The following NUAK2 variants were observed in gnomAD, a reference collection of about 807,000 sequenced individuals.
NUAK2 encodes NUAK family kinase 2, also known as NUAK family SNF1-like kinase 2.
NUAK2 carries 20 observed loss-of-function variants against 29.8 expected under a neutral mutation model. The ratio of observed to expected loss-of-function variants is 0.67; its 90% confidence interval spans 0.47 to 0.98. The LOEUF is 0.98. Among genes scored for constraint, NUAK2 ranks in the 50% least tolerant of loss-of-function variants. The probability of loss-of-function intolerance (pLI) is 0.00; values close to 1 mark genes in which losing one functional copy is unlikely to be tolerated. For missense variants in NUAK2, 719 were observed against 834.5 expected (o/e 0.86, Z 1.71); for synonymous variants, 331 against 342.6 (o/e 0.97, Z 0.37).
At position 205,308,471 on chromosome 1, in the gene NUAK2, T is replaced by A; in HGVS notation, c.504+110A>T. 8.0e-7 allele frequency: 1 copy of A among 1,245,808 alleles called. No homozygotes were observed. Among genetic ancestry groups the A allele is most frequent in the Non-Finnish European group, 1.1e-6 (1 of 877,424 alleles). The allele number at this position is 1,245,808 out of a possible 1,614,324, so 77.2% of individuals were successfully genotyped here. On this transcript the variant is annotated intron_variant, in intron 3 of 6. Coordinates refer to ENST00000367157, the MANE Select transcript of NUAK2 (RefSeq NM_030952.3). This position sits in a 1 kb window ranked among gnomAD's most constrained non-coding sequence, Gnocchi z 4.1. The stretch of plus-strand genomic sequence containing the variant: ...TGAGAGTCCAGAATCTAGTTTTGCC[T>A]CTGTTTCTGTGTGATCCTGGACAAG...
intron 1 of NUAK2, among the ~76,000 whole-genome samples, chr1:205,313,518 GC>G (rs1662283174): frequency 6.6e-6 from 1 of 152,206 alleles, no homozygotes; most frequent in South Asian, 2.1e-4. Flanking sequence ...GTCCCTCTCT[GC>G]TCCACCCTCC....
chr1:205,320,740 C>T (rs897202925), intron 1 of NUAK2, among the ~76,000 whole-genome samples: 2 of 152,178 alleles, frequency 1.3e-5, no homozygotes, highest in African/African-American at 4.8e-5. Flanking sequence ...CTCCTACGCT[C>T]GCACCAAAGT....
Position 205,308,360 on chromosome 1 carries a change from T to A in NUAK2, c.505-130A>T. 1.2e-6 allele frequency: 1 copy of A among 802,290 alleles called. No homozygotes were observed. The highest frequency in any genetic ancestry group is 2.0e-6 in the Non-Finnish European group (1 of 497,786). 49.7% of individuals were successfully genotyped at this position (802,290 alleles called of 1,614,324 possible). A position where few individuals can be genotyped will look rare whatever the true frequency, so the allele number is the denominator to read the frequency against. ...TGAGCACAGGTAGGCTGGGAATGCC[T>A]ATCTTTATCGGTATGTGCTGCAAGA... On this transcript the variant is annotated intron_variant, in intron 3 of 6. Coordinates refer to ENST00000367157, the MANE Select transcript of NUAK2 (RefSeq NM_030952.3). This position sits in a 1 kb window ranked among gnomAD's most constrained non-coding sequence, Gnocchi z 4.1.
At chr1:205,305,126 G>A (rs1333612526) in intron 6 of NUAK2, 73 bp downstream of exon 6, 4 of 1,558,422 alleles carry the variant, frequency 2.6e-6, no homozygotes, top group Non-Finnish European at 1.7e-6. Context: ...TAGTGCCACT[G>A]TGTAGTTTCT....
rs767244934 is a variant in NUAK2 at position 205,304,145 on chromosome 1, G to C, written c.1192C>G (p.Arg398Gly). 2 of 1,614,076 alleles carry C rather than the reference G, an allele frequency of 1.2e-6. No individual in the cohort carries two copies. Among genetic ancestry groups the C allele is most frequent in the Admixed American group, 3.3e-5 (2 of 60,008 alleles). Reference protein sequence around the residue: ...HSDTADDTAHRPGKSNLKLPK... With the variant: ...HSDTADDTAHGPGKSNLKLPK... ...AGCTTGAGGTTGCTCTTGCCAGGGC[G>C]ATGGGCAGTGTCATCAGCCGTGTCA... Residue 398 changes from arginine (R) to glycine (G), a missense_variant, in exon 7 of 7, where the codon CGC becomes GGC. By Grantham distance (125) the Arg-to-Gly change is moderately radical. Coordinates refer to ENST00000367157, the MANE Select transcript of NUAK2 (RefSeq NM_030952.3). The surrounding 1 kb of genome is among the most constrained non-coding windows in gnomAD (Gnocchi z 6.5).
At position 205,311,736 on chromosome 1, in the gene NUAK2, G is replaced by T; in HGVS notation, c.321C>A (p.Leu107=). ...GGATGGCAATGATGTGAGGGTGGTT[G>T]AGTGATGACATGATCTCAATCTCCC... is the stretch of plus-strand genomic sequence containing the variant. The part of the protein sequence containing the change: ...IRREIEIMSS[L]NHPHIIAIHE... Residue 107 remains leucine, a synonymous_variant, in exon 2 of 7, where the codon CTC becomes CTA. Coordinates refer to ENST00000367157, the MANE Select transcript of NUAK2 (RefSeq NM_030952.3). 6.2e-7 allele frequency: 1 copy of T among 1,614,200 alleles called. No individual in the cohort carries two copies. The highest frequency in any genetic ancestry group is 1.1e-5 in the South Asian group (1 of 91,076).
rs1662115513 is a variant in NUAK2 at position 205,303,454 on chromosome 1, G to C, written c.1883C>G (p.Thr628Ser). The change falls in exon 7 of 7, where the codon ACC (threonine) becomes AGC (serine). Residue 628 changes from threonine to serine, a missense_variant. Coordinates refer to ENST00000367157, the MANE Select transcript of NUAK2 (RefSeq NM_030952.3). ...CTGGGGCAATGCCTACTCCACTCAG[G>C]TGAGCTTTGAGCAGACCCTCAGTGC... The part of the protein sequence containing the change: ...RQALRVCSKL[T>S] The C allele has an allele frequency of 6.4e-7, 1 of 1,573,330 alleles. No homozygotes were observed. The highest frequency in any genetic ancestry group is 8.6e-7 in the Non-Finnish European group (1 of 1,159,420).
rs191805468 is a variant in NUAK2, at chr1:205,305,199, C to T, written c.823G>A (p.Asp275Asn). 6.2e-7 allele frequency: 1 copy of T among 1,613,778 alleles called. No individual in the cohort carries two copies. The highest frequency in any genetic ancestry group is 2.2e-5 in the East Asian group (1 of 44,878). The stretch of plus-strand genomic sequence containing the variant: ...AAGAACGCCCACACCTCTTACTCAC[C>T]AGAGGGTTTAGGTGGCTCCCGGTAG... ...GAYREPPKPS[D>N]ACGLIRWLLM... is the part of the protein sequence containing the mutation. The change falls in exon 6 of 7, where the codon GAT becomes AAT. Residue 275 changes from aspartate (D) to asparagine (N), a missense_variant and splice_region_variant. Asp to Asn is a conservative substitution (Grantham distance 23). Coordinates refer to ENST00000367157, the MANE Select transcript of NUAK2 (RefSeq NM_030952.3).
chr1:205,305,247 C>T lies in NUAK2; in HGVS notation c.775G>A (p.Val259Met). The change falls in exon 6 of 7, where the codon GTG (valine) becomes ATG (methionine). Residue 259 changes from valine (V) to methionine (M), a missense_variant. Transcript: ENST00000367157. ...TAGGCCCCGTTGCTGATCTGTTTCA[C>T]TAGGATCTTATGGTCATGCCCATCA... ...PFDGHDHKIL[V>M]KQISNGAYRE... is the part of the protein sequence containing the mutation. 1.2e-6 allele frequency: 2 copies of T among 1,614,208 alleles called. No homozygotes were observed. Among genetic ancestry groups the T allele is most frequent in the African/African-American group, 1.3e-5 (1 of 75,076 alleles).
At chr1:205,307,812 G>T (rs760273605) in intron 4 of NUAK2, among the ~76,000 whole-genome samples, 1 of 152,172 alleles carries the variant, frequency 6.6e-6, no homozygotes, top group Non-Finnish European at 1.5e-5. Flanking sequence ...ACTCAGGCCG[G>T]GCCTGTCCCA....
At chr1:205,318,779 T>G (rs1452739470) in intron 1 of NUAK2, among the ~76,000 whole-genome samples, 1 of 152,234 alleles carries the variant, frequency 6.6e-6, no homozygotes, top group African/African-American at 2.4e-5. Flanking sequence ...AGGAATGTAT[T>G]GAAGAGCCAG....
Position 205,303,917 on chromosome 1 carries a change from C to T in NUAK2, c.1420G>A (p.Ala474Thr), listed in dbSNP as rs114625804. The T allele has an allele frequency of 4.2e-5, 68 of 1,614,018 alleles. No individual in the cohort carries two copies. In the East Asian group the frequency reaches 1.1e-3, roughly 26 times the overall value. Residue 474 changes from alanine (A) to threonine (T), a missense_variant, in exon 7 of 7, where the codon GCA (alanine) becomes ACA (threonine). Ala to Thr is a moderately conservative substitution (Grantham distance 58, BLOSUM62 0). Transcript: ENST00000367157. ...TCCCCACTCACAAACACGTCGCCTGCGTCCAAGAGCTCCCCAGATTCACTG... is the reference window on the plus strand; with the variant it reads ...TCCCCACTCACAAACACGTCGCCTGTGTCCAAGAGCTCCCCAGATTCACTG... ...EPSESGELLDAGDVFVSGDPK... is the reference protein window; with the variant it reads ...EPSESGELLDTGDVFVSGDPK...
rs1347875359 is a variant in NUAK2 at position 205,320,000 on chromosome 1, C to T, written c.231+1398G>A. ...TGGATTTGGCAAAACATAATAATGC[C>T]TAAACCACCTGCTCTAAAAGGCTTG... On this transcript the variant is annotated intron_variant, in intron 1 of 6. Coordinates refer to ENST00000367157, the MANE Select transcript of NUAK2 (RefSeq NM_030952.3). 1.3e-5 allele frequency among the ~76,000 whole-genome samples: 2 copies of T among 151,936 alleles called. 1 individual carries two copies. Among genetic ancestry groups the T allele is most frequent in the South Asian group, 4.1e-4 (2 of 4,822 alleles).
intron 1 of NUAK2, among the ~76,000 whole-genome samples, chr1:205,315,193 C>G (rs962398029): frequency 6.6e-6 from 1 of 152,150 alleles, no homozygotes; most frequent in African/African-American, 2.4e-5. Flanking sequence ...GGTCTCCAAG[C>G]AGGTGGCAGA....
intron 1 of NUAK2, among the ~76,000 whole-genome samples, chr1:205,316,268 C>T (rs1254393513): frequency 6.6e-6 from 1 of 152,214 alleles, no homozygotes; most frequent in Non-Finnish European, 1.5e-5. Context: ...TATTTATTCT[C>T]CAGTCATCTG....
In NUAK2 at chr1:205,303,575, G is replaced by T. The variant is rs775292969; in HGVS notation, c.1762C>A (p.Pro588Thr). 6 of 1,613,336 alleles carry T rather than the reference G, an allele frequency of 3.7e-6. No individual in the cohort carries two copies. The African/African-American group carries it at 8.0e-5, about 22-fold the overall frequency. Reference sequence around the variant, plus strand: ...CGCCAGCGCCTCAGGCAGCTTCCAGGGCCCTCTGAGGGGGGCTCCTCAAGC... The same window carrying T: ...CGCCAGCGCCTCAGGCAGCTTCCAGTGCCCTCTGAGGGGGGCTCCTCAAGC... Reference protein sequence around the residue: ...TGLEEPPSEGPGSCLRRWRQD... With the variant: ...TGLEEPPSEGTGSCLRRWRQD... The change falls in exon 7 of 7, where the codon CCT (proline) becomes ACT (threonine). Residue 588 changes from proline (P) to threonine (T), a missense_variant. Transcript: ENST00000367157.
intron 4 of NUAK2, among the ~76,000 whole-genome samples, chr1:205,307,661 A>G (rs1662200881): frequency 6.6e-6 from 1 of 152,232 alleles, no homozygotes. Flanking sequence ...CTACTTAAGC[A>G]TGGAAATCTA....
At chr1:205,306,859 C>T (rs181483570) in intron 4 of NUAK2, among the ~76,000 whole-genome samples, 1 of 152,282 alleles carries the variant, frequency 6.6e-6, no homozygotes, top group Admixed American at 6.5e-5. Context: ...AATGGCATGG[C>T]CCTCAGGAAC....
In NUAK2 at chr1:205,303,575, G is replaced by A. The variant is rs775292969; in HGVS notation, c.1762C>T (p.Pro588Ser). ...CGCCAGCGCCTCAGGCAGCTTCCAGGGCCCTCTGAGGGGGGCTCCTCAAGC... is the reference window on the plus strand; with the variant it reads ...CGCCAGCGCCTCAGGCAGCTTCCAGAGCCCTCTGAGGGGGGCTCCTCAAGC... ...TGLEEPPSEG[P>S]GSCLRRWRQD... The change falls in exon 7 of 7, where the codon CCT becomes TCT. Residue 588 changes from proline to serine, a missense_variant. Around this residue, in one of 3 missense-constraint regions of NUAK2, gnomAD observed 430 missense variants for 465.7 expected, o/e 0.92. Coordinates refer to ENST00000367157, the MANE Select transcript of NUAK2 (RefSeq NM_030952.3). 19 of 1,613,454 alleles carry A rather than the reference G, an allele frequency of 1.2e-5. No homozygotes were observed. Among genetic ancestry groups the A allele is most frequent in the African/African-American group, 2.7e-5 (2 of 75,030 alleles).
Sources: gnomAD v4.1 joint callset for allele counts (sites outside exome capture counted in the v4.1 genomes callset) on GRCh38, gnomAD v4.1.1 for gene constraint, gnomAD v4.1.1 regional missense constraint, Gnocchi (gnomAD v3.1) non-coding constraint, MANE v1.5 for transcripts, NCBI Gene and HGNC (gene_info 2026-07-23, HGNC 2026-07-21) for gene names.